ZC3HAV1: variants seen among roughly 807,000 people sequenced by gnomAD.
ZC3HAV1 encodes the protein zinc finger CCCH-type containing, antiviral 1.
Under a neutral mutation model 86.6 loss-of-function variants are expected in ZC3HAV1, and 41 were observed. The observed-to-expected ratio is 0.47, with a 90% CI of 0.37 to 0.61. The LOEUF is 0.61. Among genes scored for constraint, ZC3HAV1 ranks in the 20% least tolerant of loss-of-function variants. The pLI is 0.00. For missense variants in ZC3HAV1, 964 were observed against 1,141.1 expected, an observed-to-expected ratio of 0.84 and a Z score of 2.24; for synonymous variants, 421 against 432.1, an observed-to-expected ratio of 0.97 and a Z score of 0.32.
chr7:139,064,370 CT>C (rs978074856), intron 8 of ZC3HAV1, among the ~76,000 whole-genome samples: 5 of 152,216 alleles, frequency 3.3e-5, no homozygotes, highest in Non-Finnish European at 5.9e-5. Context: ...ACCAGAAGAC[CT>C]TTCTATAGTA....
rs1214039926 is a variant in ZC3HAV1, at chr7:139,097,414, A to ATTTTTTT, written c.309-7656_309-7655insAAAAAAA. On this transcript the variant is annotated intron_variant, in intron 1 of 12. Transcript: ENST00000242351. ...ATATTGGAACTCCATATATATATAT[A>ATTTTTTT]TATATATATATATATTTTTTTTTTT... Among the ~76,000 whole-genome samples the ATTTTTTT allele has an allele frequency of 2.2e-4, 17 of 75,598 alleles. 1 individual carries two copies. The highest frequency in any genetic ancestry group is 3.4e-4 in the Non-Finnish European group (15 of 43,564). The allele number at this position is 75,598 out of a possible 152,430, so 49.6% of individuals were successfully genotyped here.
chr7:139,068,043 T>TTAC (rs1452697466), intron 7 of ZC3HAV1, among the ~76,000 whole-genome samples: 1 of 102,472 alleles, frequency 9.8e-6, no homozygotes, highest in Non-Finnish European at 1.9e-5. Context: ...ATTATTATTA[T>TTAC]TATTATTATT....
At chr7:139,069,141 C>T (rs1489345237) in intron 7 of ZC3HAV1, among the ~76,000 whole-genome samples, 1 of 152,178 alleles carries the variant, frequency 6.6e-6, no homozygotes, top group Non-Finnish European at 1.5e-5. Context: ...TTGCCCCATA[C>T]TCTTAAGTGA....
At chr7:139,060,687 A>AC (rs1460125222) in intron 9 of ZC3HAV1, 3 of 1,094,450 alleles carry the variant, frequency 2.7e-6, no homozygotes, top group Non-Finnish European at 3.4e-6. Context: ...AAAAAAAAAA[A>AC]AAAAAAGAAT....
chr7:139,074,634 A>G (rs1650758788), intron 6 of ZC3HAV1, among the ~76,000 whole-genome samples: 1 of 151,498 alleles, frequency 6.6e-6, no homozygotes, highest in Admixed American at 6.6e-5. Context: ...TGTTTTGGAA[A>G]ACAGTTATTT....
At chr7:139,098,776 G>A (rs1236437287) in intron 1 of ZC3HAV1, among the ~76,000 whole-genome samples, 1 of 152,170 alleles carries the variant, frequency 6.6e-6, no homozygotes, top group Admixed American at 6.5e-5. Context: ...CAGCTCCCCT[G>A]CTGCAATTTG....
chr7:139,056,774 G>T (rs1399666772), intron 9 of ZC3HAV1, among the ~76,000 whole-genome samples: 1 of 152,114 alleles, frequency 6.6e-6, no homozygotes, highest in Admixed American at 6.6e-5. Context: ...TAGACTAAAA[G>T]ATATTTATGA....
chr7:139,082,858 G>T (rs1563135031), intron 3 of ZC3HAV1, among the ~76,000 whole-genome samples: 1 of 149,366 alleles, frequency 6.7e-6, no homozygotes. Context: ...GCTTTTTTTA[G>T]AAATTTTAAA....
intron 9 of ZC3HAV1, among the ~76,000 whole-genome samples, chr7:139,056,387 T>TTTCC (rs1358158434): frequency 1.5e-5 from 2 of 135,032 alleles, no homozygotes; most frequent in African/African-American, 5.7e-5. Context: ...TTGTTTTTTT[T>TTTCC]TTTTCCTTTT....
rs565550945 is a variant in ZC3HAV1 at position 139,078,567 on chromosome 7, C to T, written c.1558G>A (p.Gly520Ser). The change falls in exon 5 of 13, where the codon GGT becomes AGT. Residue 520 changes from glycine (G) to serine (S), a missense_variant. Transcript: ENST00000242351. Reference sequence around the variant, plus strand: ...GGTTACTCACCATTAAGCGGACAACCCTTACACAGATGGTCAAGACAAATT... The same window carrying T: ...GGTTACTCACCATTAAGCGGACAACTCTTACACAGATGGTCAAGACAAATT... ...EEICLDHLCK[G>S]CPLNGSCSKV... 3.1e-6 allele frequency: 5 copies of T among 1,594,930 alleles called. No homozygotes were observed. The South Asian group carries it at 4.6e-5, about 15-fold the overall frequency.
chr7:139,089,754 A>G lies in ZC3HAV1; in HGVS notation c.314T>C (p.Leu105Ser), dbSNP rs2130719559. ...GAGAACCTCATGAGAATATTTGCAT[A>G]AATTCCTGGAAGAAAACACGACAAT... ...RCNYSQSERN[L>S]CKYSHEVLSE... Residue 105 changes from leucine (L) to serine (S), a missense_variant, in exon 2 of 13, where the codon TTA becomes TCA. Leu to Ser is a moderately radical substitution (Grantham distance 145). Transcript: ENST00000242351. 6.2e-7 allele frequency: 1 copy of G among 1,606,986 alleles called. No homozygotes were observed. Among genetic ancestry groups the G allele is most frequent in the Non-Finnish European group, 8.5e-7 (1 of 1,178,000 alleles).
intron 7 of ZC3HAV1, among the ~76,000 whole-genome samples, chr7:139,067,400 C>T (rs565465463): frequency 6.6e-6 from 1 of 152,334 alleles, no homozygotes; most frequent in East Asian, 1.9e-4. Context: ...ATCCGCCTGC[C>T]TTGGCCTCCC....
chr7:139,078,510 C>T (rs1303235432), intron 5 of ZC3HAV1, 42 bp downstream of exon 5: 2 of 1,483,918 alleles, frequency 1.3e-6, no homozygotes, highest in Non-Finnish European at 1.8e-6. Flanking sequence ...TTTACAATGG[C>T]CAAAAGGTGG....
chr7:139,096,949 A>C (rs201248310), intron 1 of ZC3HAV1, among the ~76,000 whole-genome samples: 1 of 151,576 alleles, frequency 6.6e-6, no homozygotes, highest in South Asian at 2.1e-4. Context: ...CCGGGGCAAC[A>C]TGTCTCTATT....
chr7:139,076,091 C>T (rs542127083), intron 6 of ZC3HAV1, among the ~76,000 whole-genome samples, 195 bp downstream of exon 6: 6 of 152,314 alleles, frequency 3.9e-5, no homozygotes, highest in Middle Eastern at 3.4e-3. Flanking sequence ...CTCAGTGTGA[C>T]CTCAAACCCA....
intron 3 of ZC3HAV1, among the ~76,000 whole-genome samples, chr7:139,081,062 G>A (rs1462926044): frequency 6.6e-6 from 1 of 152,142 alleles, no homozygotes. Flanking sequence ...CTAGAAACTT[G>A]ATAGGTCACA....
intron 8 of ZC3HAV1, among the ~76,000 whole-genome samples, chr7:139,062,512 CT>C (rs2077940019): frequency 6.6e-6 from 1 of 152,244 alleles, no homozygotes; most frequent in Non-Finnish European, 1.5e-5. Context: ...CTTCCTTGCA[CT>C]GTTTCATTTT....
chr7:139,107,797 A>G (rs1817978454), intron 1 of ZC3HAV1, among the ~76,000 whole-genome samples: 2 of 152,232 alleles, frequency 1.3e-5, no homozygotes, highest in South Asian at 4.1e-4. Flanking sequence ...GCTGACAACC[A>G]TTTTAAACCC....
At chr7:139,055,031 C>T (rs981030981) in intron 10 of ZC3HAV1, among the ~76,000 whole-genome samples, 174 bp downstream of exon 10, 10 of 152,154 alleles carry the variant, frequency 6.6e-5, no homozygotes, top group Admixed American at 6.5e-4. Flanking sequence ...CTCAGGCAAT[C>T]CACTCGCCTC....
Sources: allele counts gnomAD v4.1 joint callset (sites outside exome capture counted in the v4.1 genomes callset), GRCh38; gene constraint gnomAD v4.1.1; transcripts MANE v1.5; gene names NCBI Gene and HGNC (gene_info 2026-07-23, HGNC 2026-07-21).